NSD1: variants seen among roughly 807,000 people sequenced by gnomAD.
NSD1 encodes the protein nuclear receptor binding SET domain protein 1.
NSD1 carries 26 observed loss-of-function variants against 242.7 expected under a neutral mutation model. That is an observed-to-expected ratio of 0.11 (90% confidence interval 0.08 to 0.15). The LOEUF (loss-of-function observed/expected upper bound fraction) is 0.15. NSD1 is among the 10% of genes least tolerant of loss of function. The pLI, the probability that NSD1 is intolerant of heterozygous loss-of-function variation, is 1.00. For synonymous variants in NSD1, 1,106 were observed against 1,178.1 expected (o/e 0.94, Z 1.25); for missense variants, 2,495 against 3,272.8 (o/e 0.76, Z 5.80).
At chr5:177,192,352 A>T (rs1345361262) in intron 3 of NSD1, among the ~76,000 whole-genome samples, 1 of 151,816 alleles carries the variant, frequency 6.6e-6, no homozygotes, top group Non-Finnish European at 1.5e-5. Context: ...CTGGGATTAC[A>T]GGCATCCGCC....
At chr5:177,236,668 A>C (rs1765458247) in intron 6 of NSD1, among the ~76,000 whole-genome samples, 1 of 152,138 alleles carries the variant, frequency 6.6e-6, no homozygotes, top group Admixed American at 6.5e-5. Context: ...TGTCACTTAG[A>C]TTGTTTTCTC....
rs377409677 is a variant in NSD1 at position 177,241,608 on chromosome 5, C to T, written c.4302+1743C>T. ...AATTATACTTAATAACTCTTCGTCA[C>T]GGTTGAATTTTTACTTTTGGGGAGA... is the stretch of plus-strand genomic sequence containing the variant. On this transcript the variant is annotated intron_variant, in intron 8 of 22. Coordinates refer to ENST00000439151, the MANE Select transcript of NSD1 (RefSeq NM_022455.5). 5.3e-5 allele frequency among the ~76,000 whole-genome samples: 8 copies of T among 152,134 alleles called. No homozygotes were observed. In the South Asian group the frequency reaches 6.2e-4, roughly 12 times the overall value.
Position 177,211,550 on chromosome 5 carries a change from G to A in NSD1, c.3151G>A (p.Glu1051Lys), listed in dbSNP as rs141014337. ...NTVNRKALKT[E>K]RKRKLNQLPS... ...AGTGAACCGTAAAGCCTTAAAGACC[G>A]AGCGCAAAAGAAAACTGAATCAGCT... Residue 1051 changes from glutamate (E) to lysine (K), a missense_variant, in exon 5 of 23, where the codon GAG (glutamate) becomes AAG (lysine). Glu to Lys is a moderately conservative substitution (Grantham distance 56). This residue lies in a region of NSD1 where 426 missense variants were observed against 411.4 expected (regional missense o/e 1.04). Transcript: ENST00000439151. 59 of 1,614,096 alleles carry A rather than the reference G, an allele frequency of 3.7e-5. No individual in the cohort carries two copies. The African/African-American group carries it at 4.9e-4, about 13-fold the overall frequency.
chr5:177,286,212 C>T (rs1759316064), intron 20 of NSD1, among the ~76,000 whole-genome samples: 1 of 152,160 alleles, frequency 6.6e-6, no homozygotes, highest in South Asian at 2.1e-4. Flanking sequence ...GTACTTTTTT[C>T]TCTACAATTT....
chr5:177,249,193 G>A (rs1463517660), intron 11 of NSD1, among the ~76,000 whole-genome samples: 1 of 152,086 alleles, frequency 6.6e-6, no homozygotes, highest in Non-Finnish European at 1.5e-5. Flanking sequence ...TTGAAGTTAG[G>A]CAATGCGCAG....
At chr5:177,182,606 T>G (rs1371926052) in intron 2 of NSD1, among the ~76,000 whole-genome samples, 1 of 151,486 alleles carries the variant, frequency 6.6e-6, no homozygotes, top group African/African-American at 2.4e-5. Context: ...TCCCCTCCCT[T>G]CCCCTCCCCT....
chr5:177,226,829 A>G (rs1211875081), intron 5 of NSD1, among the ~76,000 whole-genome samples: 1 of 152,224 alleles, frequency 6.6e-6, no homozygotes, highest in Admixed American at 6.5e-5. Context: ...AATTTTGAGT[A>G]AAGTATGAAA....
chr5:177,244,348 T>A lies in NSD1; in HGVS notation c.4378+78T>A, dbSNP rs997901384. The A allele has an allele frequency of 2.8e-6, 3 of 1,065,732 alleles. No individual in the cohort carries two copies. In the African/African-American group the frequency reaches 4.7e-5, roughly 17 times the overall value. 66.0% of individuals were successfully genotyped at this position (1,065,732 alleles called of 1,614,324 possible). ...TTTGTCTGTTAACCACAAAAATTGT[T>A]ACATGTGTAAGCCCGACCAGTGAGG... On this transcript the variant is annotated intron_variant, in intron 9 of 22. Coordinates refer to ENST00000439151, the MANE Select transcript of NSD1 (RefSeq NM_022455.5).
chr5:177,295,815 C>A lies in NSD1; in HGVS notation c.*356C>A. 2.3e-6 allele frequency: 1 copy of A among 437,804 alleles called. No individual in the cohort carries two copies. Among genetic ancestry groups the A allele is most frequent in the Non-Finnish European group, 4.3e-6 (1 of 235,106 alleles). 27.1% of individuals were successfully genotyped at this position (437,804 alleles called of 1,614,324 possible). On this transcript the variant is annotated 3_prime_UTR_variant, in exon 23 of 23. Transcript: ENST00000439151. This position sits in a 1 kb window ranked among gnomAD's most constrained non-coding sequence, Gnocchi z 4.3. ...TTGGAAGGTATAGGGGCTCTCAAAG[C>A]GATTTCCCCAACCAGACAGAGCCCC...
At chr5:177,239,901 T>G in intron 8 of NSD1, 36 bp downstream of exon 8, 2 of 1,320,030 alleles carry the variant, frequency 1.5e-6, no homozygotes, top group Non-Finnish European at 2.2e-6. Context: ...AGAAATAAAC[T>G]CAGGAAATGA....
intron 2 of NSD1, among the ~76,000 whole-genome samples, chr5:177,188,566 T>A (rs908860468): frequency 2.0e-5 from 3 of 152,254 alleles, no homozygotes; most frequent in Non-Finnish European, 2.9e-5. Context: ...AAAGTTTTTT[T>A]AAGGTCATCA....
chr5:177,218,666 G>C (rs1581351745), intron 5 of NSD1, among the ~76,000 whole-genome samples: 1 of 150,780 alleles, frequency 6.6e-6, no homozygotes, highest in Non-Finnish European at 1.5e-5. Flanking sequence ...CTCCCGGATT[G>C]ACGCCATTCT....
In NSD1 at chr5:177,297,164, G is replaced by A. The variant is rs1562315332; in HGVS notation, c.*1705G>A. 4.3e-6 allele frequency: 1 copy of A among 232,720 alleles called. No homozygotes were observed. The highest frequency in any genetic ancestry group is 8.5e-6 in the Non-Finnish European group (1 of 117,766). 14.4% of individuals were successfully genotyped at this position (232,720 alleles called of 1,614,324 possible). Reference sequence around the variant, plus strand: ...GACACTTGAACTCAGGCAGAGGGACGAGGCTGGGCAGGGCTGTCCTGAGTT... The same window carrying A: ...GACACTTGAACTCAGGCAGAGGGACAAGGCTGGGCAGGGCTGTCCTGAGTT... On this transcript the variant is annotated 3_prime_UTR_variant, in exon 23 of 23. Transcript: ENST00000439151.
intron 11 of NSD1, among the ~76,000 whole-genome samples, chr5:177,248,557 A>G (rs1295129706): frequency 6.6e-6 from 1 of 152,028 alleles, no homozygotes; most frequent in Non-Finnish European, 1.5e-5. Context: ...GAAGGAATAT[A>G]TGCCGCGAAA....
intron 5 of NSD1, among the ~76,000 whole-genome samples, chr5:177,220,609 G>A (rs1243638056): frequency 2.4e-5 from 3 of 123,130 alleles, no homozygotes; most frequent in East Asian, 2.5e-4. Context: ...TTGCTCTGTC[G>A]CCTAGGCTGG....
chr5:177,218,509 T>C (rs1227274363), intron 5 of NSD1, among the ~76,000 whole-genome samples: 3 of 152,212 alleles, frequency 2.0e-5, no homozygotes, highest in Non-Finnish European at 2.9e-5. Context: ...GATTTTTTTT[T>C]TCTATTTTTG....
At position 177,249,680 on chromosome 5, in the gene NSD1, G is replaced by A. The variant is rs1460056185; in HGVS notation, c.4641+1356G>A. Among the ~76,000 whole-genome samples, 6 of 152,038 alleles carry A rather than the reference G, an allele frequency of 3.9e-5. No homozygotes were observed. In the South Asian group the frequency reaches 8.3e-4, roughly 21 times the overall value. On this transcript the variant is annotated intron_variant, in intron 11 of 22. Transcript: ENST00000439151. ...TTTTTGTATTTTTTGGTAGAGATGG[G>A]GTTTCACCGTGTTGGCGAGGATGGT...
chr5:177,206,706 G>A (rs988337575), intron 4 of NSD1, among the ~76,000 whole-genome samples: 1 of 152,172 alleles, frequency 6.6e-6, no homozygotes, highest in South Asian at 2.1e-4. Flanking sequence ...TCAGCTGGTT[G>A]CTGATAGGGA....
chr5:177,176,128 G>A (rs930457206), intron 2 of NSD1, among the ~76,000 whole-genome samples: 2 of 152,054 alleles, frequency 1.3e-5, no homozygotes, highest in East Asian at 3.9e-4. Flanking sequence ...TACCTGCCTC[G>A]GCCTCCCAAA....
Sources: gnomAD v4.1 joint callset for allele counts (sites outside exome capture counted in the v4.1 genomes callset) on GRCh38, gnomAD v4.1.1 for gene constraint, gnomAD v4.1.1 regional missense constraint, Gnocchi (gnomAD v3.1) non-coding constraint, MANE v1.5 for transcripts, NCBI Gene and HGNC (gene_info 2026-07-23, HGNC 2026-07-21) for gene names.